DPP6: variants seen among roughly 807,000 people sequenced by gnomAD.
DPP6 encodes the protein A-type potassium channel modulatory protein DPP6.
Under a neutral mutation model 122.6 loss-of-function variants are expected in DPP6, and 69 were observed. The observed-to-expected ratio is 0.56, with a 90% CI of 0.46 to 0.69. The LOEUF is 0.69. Ranked by LOEUF, DPP6 falls within the 30% of genes least tolerant of loss-of-function variation. The pLI is 0.00. For synonymous variants in DPP6, 418 were observed against 433.1 expected, an observed-to-expected ratio of 0.97 and a Z score of 0.43; for missense variants, 928 against 1,116.9, an observed-to-expected ratio of 0.83 and a Z score of 2.41.
intron 1 of DPP6, among the ~76,000 whole-genome samples, chr7:154,252,733 A>T (rs1270754509): frequency 6.6e-6 from 1 of 152,236 alleles, no homozygotes; most frequent in African/African-American, 2.4e-5. Context: ...TTGGAAAAGT[A>T]AGACTAACAA....
At chr7:154,361,896 G>A (rs536273888) in intron 1 of DPP6, among the ~76,000 whole-genome samples, 10 of 152,310 alleles carry the variant, frequency 6.6e-5, no homozygotes, top group East Asian at 5.8e-4. Context: ...TCGACTTATC[G>A]ACTGCACTGC....
intron 1 of DPP6, among the ~76,000 whole-genome samples, chr7:154,005,661 T>C (rs1348473177): frequency 6.8e-6 from 1 of 147,570 alleles, no homozygotes; most frequent in African/African-American, 2.5e-5. Context: ...ACCTCGGGGA[T>C]TGTGGTTCTG....
chr7:154,871,952 C>T (rs974930650), intron 18 of DPP6, among the ~76,000 whole-genome samples: 1 of 152,210 alleles, frequency 6.6e-6, no homozygotes, highest in African/African-American at 2.4e-5. Context: ...TACCCACTCT[C>T]CCTCACCCAC....
Position 154,431,177 on chromosome 7 carries a change from G to T in DPP6, c.244-15037G>T, listed in dbSNP as rs114408652. Among the ~76,000 whole-genome samples, 1,412 of 152,296 alleles carry T rather than the reference G, an allele frequency of 9.3e-3. 21 individuals carry two copies. The highest frequency in any genetic ancestry group is 0.032 in the African/African-American group (1,332 of 41,552). On this transcript the variant is annotated intron_variant, in intron 1 of 25. Transcript: ENST00000377770. Reference sequence around the variant, plus strand: ...TGGTGCCCTGAGAACAGCTGCCAAGGATGCTCGCTGGGAGCCACAGGCCAC... The same window carrying T: ...TGGTGCCCTGAGAACAGCTGCCAAGTATGCTCGCTGGGAGCCACAGGCCAC...
chr7:154,137,641 T>TGGGGGG (rs1221969502), intron 1 of DPP6, among the ~76,000 whole-genome samples: 2 of 27,282 alleles, frequency 7.3e-5, no homozygotes, highest in Non-Finnish European at 1.6e-4. Flanking sequence ...GAGGAGATGG[T>TGGGGGG]GGGGGGGGTG....
In DPP6 at chr7:154,261,036, C is replaced by T. The variant is rs572543111; in HGVS notation, c.244-185178C>T. Among the ~76,000 whole-genome samples the T allele has an allele frequency of 5.3e-5, 8 of 152,152 alleles. No homozygotes were observed. In the East Asian group the frequency reaches 1.4e-3, roughly 26 times the overall value. On this transcript the variant is annotated intron_variant, in intron 1 of 25. Transcript: ENST00000377770. ...TCAGCCTCCCAAGTAGTTGGAACTG[C>T]AGGCACATGCCACCACGCCTGGGTA...
At chr7:154,868,536 C>T (rs60707154) in intron 18 of DPP6, among the ~76,000 whole-genome samples, 27,670 of 152,128 alleles carry the variant, frequency 0.18, 3,008 homozygotes, top group East Asian at 0.54. Context: ...GCTGTTACTC[C>T]CTAGGAAATG....
rs530448319 is a variant in DPP6, at chr7:154,523,947, A to C, written c.458-16585A>C. 5.3e-5 allele frequency among the ~76,000 whole-genome samples: 8 copies of C among 152,354 alleles called. 1 individual carries two copies. Among genetic ancestry groups the C allele is most frequent in the African/African-American group, 1.9e-4 (8 of 41,596 alleles). ...TTTTCTCCAAATGAGGTTAGCATCC[A>C]TCATTGATCCTTACCTGCACCAAGT... is the stretch of plus-strand genomic sequence containing the variant. On this transcript the variant is annotated intron_variant, in intron 3 of 25. Coordinates refer to ENST00000377770, the MANE Select transcript of DPP6 (RefSeq NM_130797.4).
chr7:153,959,429 T>C lies in DPP6; in HGVS notation c.51+71695T>C, dbSNP rs1795236945. On this transcript the variant is annotated intron_variant, in intron 1 of 25. Coordinates refer to the DPP6 transcript ENST00000404039. ...TGCATTCTTAGGAGAAGGATATGAC[T>C]TCTTGAGATGATAAAGGAGACATTA... 2.0e-5 allele frequency among the ~76,000 whole-genome samples: 3 copies of C among 152,360 alleles called. No homozygotes were observed. In the South Asian group the frequency reaches 6.2e-4, roughly 32 times the overall value.
chr7:154,369,610 C>T (rs1458881228), intron 1 of DPP6, among the ~76,000 whole-genome samples: 5 of 152,198 alleles, frequency 3.3e-5, no homozygotes, highest in Admixed American at 6.5e-5. Context: ...TGGGGATCCA[C>T]CTGCCTTGGC....
chr7:154,887,279 T>C (rs1190114535), intron 22 of DPP6, among the ~76,000 whole-genome samples: 1 of 152,202 alleles, frequency 6.6e-6, no homozygotes, highest in East Asian at 1.9e-4. Flanking sequence ...AGCAGGGATG[T>C]GCCTGGACTT....
intron 6 of DPP6, among the ~76,000 whole-genome samples, chr7:154,640,378 G>A (rs778930667): frequency 3.3e-5 from 5 of 152,168 alleles, no homozygotes; most frequent in Non-Finnish European, 4.4e-5. Context: ...TTATAGGATT[G>A]AAAGATGTAG....
intron 1 of DPP6, among the ~76,000 whole-genome samples, chr7:153,978,028 C>G (rs923113965): frequency 6.6e-6 from 1 of 152,080 alleles, no homozygotes; most frequent in Non-Finnish European, 1.5e-5. Context: ...GTGCATGTGT[C>G]TTTATAATGG....
chr7:154,792,316 G>T (rs1378519156), intron 10 of DPP6, among the ~76,000 whole-genome samples: 1 of 152,242 alleles, frequency 6.6e-6, no homozygotes, highest in African/African-American at 2.4e-5. Flanking sequence ...TTTATAAATG[G>T]CAGTTTCCCT....
intron 16 of DPP6, among the ~76,000 whole-genome samples, chr7:154,829,436 A>AGAGGAGGG (rs1800449425): frequency 1.8e-5 from 2 of 112,582 alleles, no homozygotes; most frequent in Non-Finnish European, 3.5e-5. Flanking sequence ...GGAGAGGAGG[A>AGAGGAGGG]GAGGGGAGGG....
chr7:154,714,158 A>T (rs7777345), intron 7 of DPP6, among the ~76,000 whole-genome samples: 151,197 of 152,296 alleles, frequency 0.99, 75,058 homozygotes, highest in East Asian at 1. Context: ...CATCAAAGCT[A>T]TTCGACAAGT....
At chr7:154,003,426 C>G (rs938941131) in intron 1 of DPP6, among the ~76,000 whole-genome samples, 5 of 152,214 alleles carry the variant, frequency 3.3e-5, no homozygotes, top group African/African-American at 1.2e-4. Flanking sequence ...GCCAGGCTCA[C>G]AATCAATAGT....
intron 1 of DPP6, among the ~76,000 whole-genome samples, chr7:154,015,431 G>T (rs2429613): frequency 3.3e-5 from 5 of 152,032 alleles, no homozygotes; most frequent in Admixed American, 6.6e-5. Flanking sequence ...GTCAAGCCTT[G>T]TCTCCGTAAG....
intron 8 of DPP6, among the ~76,000 whole-genome samples, chr7:154,739,347 A>T (rs1842713187): frequency 1.3e-5 from 2 of 152,186 alleles, no homozygotes; most frequent in African/African-American, 4.8e-5. Flanking sequence ...GATGTTGGGG[A>T]ATCTCTCAGA....
Sources: gnomAD v4.1 joint callset for allele counts (sites outside exome capture counted in the v4.1 genomes callset) on GRCh38, gnomAD v4.1.1 for gene constraint, MANE v1.5 for transcripts, NCBI Gene and HGNC (gene_info 2026-07-23, HGNC 2026-07-21) for gene names.